The following DIXDC1 variants were observed in gnomAD, a reference collection of about 807,000 sequenced individuals.
DIXDC1 encodes dixin.
Under a neutral mutation model 103.1 loss-of-function variants are expected in DIXDC1, and 64 were observed. The observed-to-expected ratio is 0.62, with a 90% CI of 0.51 to 0.76. DIXDC1 has a LOEUF of 0.76. Ranked by LOEUF, DIXDC1 falls within the 30% of genes least tolerant of loss-of-function variation. The pLI is 0.00. For synonymous variants in DIXDC1, 266 were observed against 298.5 expected, an observed-to-expected ratio of 0.89 and a Z score of 1.12; for missense variants, 759 against 834.2, an observed-to-expected ratio of 0.91 and a Z score of 1.11.
chr11:111,931,450 C>G (rs1269909714), intron 2 of DIXDC1, among the ~76,000 whole-genome samples: 2 of 152,090 alleles, frequency 1.3e-5, no homozygotes, highest in African/African-American at 4.8e-5. Flanking sequence ...TGAGACCAGC[C>G]TGGCCAACAT....
intron 10 of DIXDC1, 118 bp downstream of exon 10, chr11:111,989,173 A>G: frequency 2.7e-6 from 2 of 753,262 alleles, no homozygotes; most frequent in Non-Finnish European, 4.1e-6. Context: ...GCTATTGGTA[A>G]AGAAAGGGCT....
intron 17 of DIXDC1, among the ~76,000 whole-genome samples, chr11:112,010,830 A>T (rs1861392869): frequency 6.6e-6 from 1 of 152,342 alleles, no homozygotes; most frequent in East Asian, 1.9e-4. Flanking sequence ...TAAACGTTAG[A>T]CCTAAAACCA....
chr11:111,979,883 G>C (rs782589149), intron 5 of DIXDC1, among the ~76,000 whole-genome samples: 26 of 152,148 alleles, frequency 1.7e-4, no homozygotes, highest in Middle Eastern at 3.2e-3. Flanking sequence ...AAGCCCATGA[G>C]CTTGAGGCTG....
In DIXDC1 at chr11:112,020,319, C is replaced by T. The variant is rs117992528; in HGVS notation, c.*1283C>T. The T allele has an allele frequency of 1.2e-3, 186 of 152,748 alleles. No homozygotes were observed. The highest frequency in any genetic ancestry group is 2.2e-3 in the Non-Finnish European group (152 of 68,030). The allele number at this position is 152,748 out of a possible 1,614,324, so 9.5% of individuals were successfully genotyped here. On this transcript the variant is annotated 3_prime_UTR_variant, in exon 20 of 20. Transcript: ENST00000440460. ...GCCTGTGACCTCCAATGTACACTGC[C>T]AAACACAAGAGTAGGACACATCTGT...
intron 10 of DIXDC1, among the ~76,000 whole-genome samples, chr11:111,989,861 T>G (rs1484483504): frequency 4.0e-5 from 6 of 150,264 alleles, no homozygotes; most frequent in Non-Finnish European, 8.9e-5. Context: ...CAATCTTGGC[T>G]CACTGCAAGC....
In DIXDC1 at chr11:111,952,839, C is replaced by A. The variant is rs1555170181; in HGVS notation, c.61-11710C>A. ...TGTCTCAAAAAAAAAAAAAAAAATC[C>A]AAAAATTAGCTGTGGTGGCGTGTGA... On this transcript the variant is annotated intron_variant, in intron 1 of 19. Transcript: ENST00000440460. 4.0e-5 allele frequency among the ~76,000 whole-genome samples: 6 copies of A among 150,208 alleles called. No individual in the cohort carries two copies. The Middle Eastern group carries it at 0.014, about 345-fold the overall frequency.
At chr11:111,928,106 G>A (rs1051646252) in intron 1 of DIXDC1, among the ~76,000 whole-genome samples, 1 of 151,084 alleles carries the variant, frequency 6.6e-6, no homozygotes, top group Non-Finnish European at 1.5e-5. Context: ...GTAGTCAAAT[G>A]TTGGCTGCTA....
At chr11:111,984,126 C>A (rs1357724831) in intron 7 of DIXDC1, among the ~76,000 whole-genome samples, 5 of 152,172 alleles carry the variant, frequency 3.3e-5, no homozygotes, top group African/African-American at 1.2e-4. Context: ...ATTTTTCAGT[C>A]TTTCACTGAC....
At chr11:112,004,336 C>T (rs1204479484) in intron 17 of DIXDC1, among the ~76,000 whole-genome samples, 6 of 152,060 alleles carry the variant, frequency 3.9e-5, no homozygotes, top group South Asian at 2.1e-4. Context: ...TTCTCGCTTA[C>T]GGAGCAAAGC....
chr11:111,931,520 G>A (rs587609710), intron 2 of DIXDC1, among the ~76,000 whole-genome samples: 3 of 152,218 alleles, frequency 2.0e-5, no homozygotes, highest in Non-Finnish European at 4.4e-5. Context: ...GCGGACGCCT[G>A]TAATCCCAGC....
At chr11:111,966,710 A>G (rs953061318) in intron 2 of DIXDC1, among the ~76,000 whole-genome samples, 2 of 152,162 alleles carry the variant, frequency 1.3e-5, no homozygotes, top group Non-Finnish European at 2.9e-5. Flanking sequence ...GCCAAAACCC[A>G]GGTTCTTAAA....
intron 13 of DIXDC1, 32 bp downstream of exon 13, chr11:111,993,620 C>A: frequency 6.2e-7 from 1 of 1,613,790 alleles, no homozygotes; most frequent in Non-Finnish European, 8.5e-7. Context: ...GACTTCCCTG[C>A]CTCTTTGGCC....
Position 111,992,997 on chromosome 11 carries a change from A to T in DIXDC1, c.1265A>T (p.Glu422Val), listed in dbSNP as rs782572520. 6.2e-6 allele frequency: 10 copies of T among 1,603,162 alleles called. No individual in the cohort carries two copies. The South Asian group carries it at 6.8e-5, about 11-fold the overall frequency. The change falls in exon 12 of 20, where the codon GAA becomes GTA. Residue 422 changes from glutamate to valine, a missense_variant. Glu to Val is a moderately radical substitution (Grantham distance 121, BLOSUM62 -2). Coordinates refer to ENST00000440460, the MANE Select transcript of DIXDC1 (RefSeq NM_001037954.4). ...KLDERNRLLG[E>V]YKKELGQKDR... is the part of the protein sequence containing the mutation. ...GATGAGAGGAACCGGCTCTTGGGAG[A>T]ATATAAAGTAAGAATGAATATCAGT...
chr11:112,009,526 A>G (rs1861346871), intron 17 of DIXDC1, among the ~76,000 whole-genome samples: 1 of 152,214 alleles, frequency 6.6e-6, no homozygotes, highest in Non-Finnish European at 1.5e-5. Flanking sequence ...TTTTAGACCA[A>G]TATCCCTGAT....
upstream of DIXDC1, chr11:111,937,127 C>CGGGGGGGGGGGGGGGGGGGGGGGGGG (rs200146124): frequency 6.0e-6 from 3 of 502,588 alleles, no homozygotes; most frequent in East Asian, 3.5e-4. Context: ...TGCTGCGGCC[C>CGGGGGGGGGGGGGGGGGGGGGGGGGG]GGGCGGGGGG....
At chr11:111,979,042 C>T (rs1860213252) in intron 5 of DIXDC1, among the ~76,000 whole-genome samples, 1 of 152,250 alleles carries the variant, frequency 6.6e-6, no homozygotes, top group Non-Finnish European at 1.5e-5. Context: ...TCTTGCCACT[C>T]CCTACCCCTC....
intron 4 of DIXDC1, 89 bp from the exon 5 acceptor site, chr11:111,974,787 C>G (rs1860044390): frequency 6.5e-7 from 1 of 1,548,182 alleles, no homozygotes; most frequent in Admixed American, 2.0e-5. Flanking sequence ...GTGTATACTG[C>G]TCGCAGAGTG....
At chr11:111,928,792 A>G (rs1329648055) in intron 1 of DIXDC1, among the ~76,000 whole-genome samples, 1 of 151,944 alleles carries the variant, frequency 6.6e-6, no homozygotes, top group Admixed American at 6.5e-5. Flanking sequence ...AGGTAGAATC[A>G]TTAACTCTGT....
At chr11:112,009,387 G>A (rs782518938) in intron 17 of DIXDC1, among the ~76,000 whole-genome samples, 15 of 152,136 alleles carry the variant, frequency 9.9e-5, no homozygotes, top group Non-Finnish European at 1.9e-4. Context: ...TAGAAAAGAG[G>A]AGCTAGTACC....
Sources: allele counts gnomAD v4.1 joint callset (sites outside exome capture counted in the v4.1 genomes callset), GRCh38; gene constraint gnomAD v4.1.1; transcripts MANE v1.5; gene names NCBI Gene and HGNC (gene_info 2026-07-23, HGNC 2026-07-21).